GATM: variants seen among roughly 807,000 people sequenced by gnomAD.
The protein encoded by GATM is glycine amidinotransferase, also known as glycine amidinotransferase, mitochondrial.
A neutral mutation model predicts 54.2 loss-of-function variants in GATM; 23 were observed. The observed-to-expected ratio is 0.42, with a 90% CI of 0.31 to 0.60. The LOEUF (loss-of-function observed/expected upper bound fraction) is 0.60, where lower values mean the gene tolerates loss of function less well. Ranked by LOEUF, GATM falls within the 20% of genes least tolerant of loss-of-function variation. The pLI, the probability that GATM is intolerant of heterozygous loss-of-function variation, is 0.14. For synonymous variants in GATM, 168 were observed against 183.1 expected (o/e 0.92, Z 0.67); for missense variants, 401 against 544.9 (o/e 0.74, Z 2.63).
intron 3 of GATM, among the ~76,000 whole-genome samples, chr15:45,386,013 TC>T (rs963526810): frequency 1.3e-4 from 20 of 152,344 alleles, no homozygotes; most frequent in African/African-American, 4.6e-4. Context: ...CCTGTGGAGA[TC>T]CTTATGTACA....
intron 2 of GATM, among the ~76,000 whole-genome samples, chr15:45,370,309 G>C (rs1889518750): frequency 6.6e-6 from 1 of 151,412 alleles, no homozygotes; most frequent in African/African-American, 2.4e-5. Context: ...CCAGGAGGCA[G>C]AGGTTGCAGT....
chr15:45,398,669 G>A (rs1334216206), intron 2 of GATM, among the ~76,000 whole-genome samples: 1 of 152,184 alleles, frequency 6.6e-6, no homozygotes, highest in Non-Finnish European at 1.5e-5. Context: ...TGAGATGAAA[G>A]TGTTTGCAAA....
chr15:45,376,326 AG>A (rs2140656515), intron 2 of GATM, among the ~76,000 whole-genome samples: 1 of 152,368 alleles, frequency 6.6e-6, no homozygotes, highest in South Asian at 2.1e-4. Flanking sequence ...TTGCCATTAC[AG>A]GCTGTGACGG....
At chr15:45,390,911 G>T (rs2140677158) in intron 3 of GATM, among the ~76,000 whole-genome samples, 1 of 152,282 alleles carries the variant, frequency 6.6e-6, no homozygotes, top group Non-Finnish European at 1.5e-5. Context: ...GCTCAGGGAA[G>T]TGCACCATGA....
At chr15:45,377,646 G>A (rs1889661939) in intron 1 of GATM, 1 of 171,562 alleles carries the variant, frequency 5.8e-6, no homozygotes, top group African/African-American at 2.4e-5. Context: ...GGCAGGAGGA[G>A]AACTCGGGTG....
At chr15:45,398,733 T>A (rs1461959935) in intron 2 of GATM, among the ~76,000 whole-genome samples, 2 of 152,222 alleles carry the variant, frequency 1.3e-5, no homozygotes, top group African/African-American at 4.8e-5. Context: ...TTACAACTCA[T>A]AGTCATTGCT....
intron 3 of GATM, among the ~76,000 whole-genome samples, chr15:45,395,640 T>A (rs1889919103): frequency 6.6e-6 from 1 of 152,054 alleles, no homozygotes; most frequent in African/African-American, 2.4e-5. Context: ...GGACCTCAGA[T>A]TAAGACAAGA....
At position 45,368,761 on chromosome 15, in the gene GATM, G is replaced by A. The variant is rs1190126538; in HGVS notation, c.485-501C>T. Among the ~76,000 whole-genome samples, 3 of 150,542 alleles carry A rather than the reference G, an allele frequency of 2.0e-5. No homozygotes were observed. Among genetic ancestry groups the A allele is most frequent in the Non-Finnish European group, 4.4e-5 (3 of 67,768 alleles). ...GTTAACATGAATTGTGTGGTGGGGG[G>A]GAAGCCCAGAAAAAAAAGAAAAGAA... On this transcript the variant is annotated intron_variant, in intron 3 of 8. Coordinates refer to ENST00000396659, the MANE Select transcript of GATM (RefSeq NM_001482.3). This position sits in a 1 kb window ranked among gnomAD's most constrained non-coding sequence, Gnocchi z 5.1.
In GATM at chr15:45,364,029, A is replaced by C. The variant is rs1305168092; in HGVS notation, c.1043-13T>G. On this transcript the variant is annotated splice_polypyrimidine_tract_variant and intron_variant, in intron 7 of 8. Coordinates refer to ENST00000396659, the MANE Select transcript of GATM (RefSeq NM_001482.3). ...CAGAGTGGATGATCTAAAAACAGCA[A>C]CAACTGTTAAACCATGTCCGCTATC... The C allele has an allele frequency of 7.0e-7, 1 of 1,425,366 alleles. No homozygotes were observed. The highest frequency in any genetic ancestry group is 9.9e-7 in the Non-Finnish European group (1 of 1,009,094). The allele number at this position is 1,425,366 out of a possible 1,614,324, so 88.3% of individuals were successfully genotyped here. A position where few individuals can be genotyped will look rare whatever the true frequency, so the allele number is the denominator to read the frequency against.
intron 3 of GATM, among the ~76,000 whole-genome samples, chr15:45,369,037 T>C (rs923664050): frequency 6.6e-6 from 1 of 152,214 alleles, no homozygotes; most frequent in African/African-American, 2.4e-5. Context: ...TTAATTTCTG[T>C]TCTTGAGGAA....
In GATM at chr15:45,363,881, T is replaced by C. The variant is rs187979088; in HGVS notation, c.1159+19A>G. 138 of 1,380,816 alleles carry C rather than the reference T, an allele frequency of 1.0e-4. No homozygotes were observed. The African/African-American group carries it at 1.8e-3, about 18-fold the overall frequency. The allele number at this position is 1,380,816 out of a possible 1,614,324, so 85.5% of individuals were successfully genotyped here. ...TAACGTTTTCATGTATGACAACATG[T>C]TTCATTTGTTGTACATACCCAGCTT... On this transcript the variant is annotated intron_variant, in intron 8 of 8. Coordinates refer to ENST00000396659, the MANE Select transcript of GATM (RefSeq NM_001482.3).
At chr15:45,386,069 CT>C (rs1448604197) in intron 3 of GATM, among the ~76,000 whole-genome samples, 4 of 152,156 alleles carry the variant, frequency 2.6e-5, no homozygotes, top group Non-Finnish European at 4.4e-5. Context: ...GTTAATCTGC[CT>C]GCTCTCAATT....
intron 8 of GATM, among the ~76,000 whole-genome samples, chr15:45,362,509 C>T (rs1405082381): frequency 6.6e-6 from 1 of 152,184 alleles, no homozygotes; most frequent in East Asian, 1.9e-4. Flanking sequence ...TGGTCAAGTA[C>T]TAAAATCTCA....
upstream of GATM, chr15:45,379,259 G>T (rs1215813160): frequency 1.3e-5 from 2 of 152,104 alleles, no homozygotes; most frequent in Non-Finnish European, 2.9e-5. Context: ...TTCTTTTTTA[G>T]AAAAGTATTT....
rs1889373041 is a variant in GATM, at chr15:45,361,992, AAGG to A, written c.*114_*116del. On this transcript the variant is annotated 3_prime_UTR_variant, in exon 9 of 9. Transcript: ENST00000396659. Reference sequence around the variant, plus strand: ...GCAAACCAGGCTTACGACCCCTGTTAAGGAGATGATTGTTTAAAGCACTACAGT... The same window carrying A: ...GCAAACCAGGCTTACGACCCCTGTTAAGATGATTGTTTAAAGCACTACAGT... The A allele has an allele frequency of 1.4e-6, 1 of 722,598 alleles. No individual in the cohort carries two copies. The highest frequency in any genetic ancestry group is 2.5e-6 in the Non-Finnish European group (1 of 395,814). 44.8% of individuals were successfully genotyped at this position (722,598 alleles called of 1,614,324 possible). A position where few individuals can be genotyped will look rare whatever the true frequency, so the allele number is the denominator to read the frequency against.
chr15:45,374,019 T>TTTA (rs1889587782), intron 2 of GATM, among the ~76,000 whole-genome samples: 1 of 151,930 alleles, frequency 6.6e-6, no homozygotes, highest in African/African-American at 2.4e-5. Context: ...ACAACTATAA[T>TTTA]AAGTTGTTGT....
At chr15:45,363,757 T>C in intron 8 of GATM, 143 bp downstream of exon 8, 1 of 659,334 alleles carries the variant, frequency 1.5e-6, no homozygotes, top group South Asian at 1.7e-5. Context: ...ATACTGACTT[T>C]CTGTGAAATA....
upstream of GATM, chr15:45,378,587 G>T: frequency 1.7e-6 from 1 of 596,772 alleles, no homozygotes; most frequent in South Asian, 2.8e-5. Context: ...GCCGCGCTCC[G>T]CCCCGGCCGC....
chr15:45,385,393 A>G (rs1233065336), intron 3 of GATM, among the ~76,000 whole-genome samples: 2 of 152,232 alleles, frequency 1.3e-5, no homozygotes, highest in African/African-American at 2.4e-5. Flanking sequence ...AACAACAATT[A>G]AAGAATGGTT....
Sources: gnomAD v4.1 joint callset for allele counts (sites outside exome capture counted in the v4.1 genomes callset) on GRCh38, gnomAD v4.1.1 for gene constraint, Gnocchi (gnomAD v3.1) non-coding constraint, MANE v1.5 for transcripts, NCBI Gene and HGNC (gene_info 2026-07-23, HGNC 2026-07-21) for gene names.